IRAG2: variants seen among roughly 807,000 people sequenced by gnomAD.
The protein encoded by IRAG2 is lymphoid restricted membrane protein.
Under a neutral mutation model 69.9 loss-of-function variants are expected in IRAG2, and 45 were observed. The ratio of observed to expected loss-of-function variants is 0.64; its 90% CI spans 0.51 to 0.83. IRAG2 has a LOEUF of 0.83. Ranked by LOEUF, IRAG2 falls within the 40% of genes least tolerant of loss-of-function variation. IRAG2 has a pLI of 0.00. For synonymous variants in IRAG2, 193 were observed against 202.4 expected (o/e 0.95, Z 0.40); for missense variants, 520 against 587.0 (o/e 0.89, Z 1.18).
At chr12:25,073,715 A>G (rs1412659004) in intron 6 of IRAG2, among the ~76,000 whole-genome samples, 2 of 152,206 alleles carry the variant, frequency 1.3e-5, no homozygotes, top group Non-Finnish European at 2.9e-5. Flanking sequence ...TTCACCCAAT[A>G]AATTAGTTTA....
At chr12:25,101,804 C>A (rs1287371152) in intron 16 of IRAG2, 3 of 404,750 alleles carry the variant, frequency 7.4e-6, no homozygotes, top group East Asian at 6.6e-5. Context: ...ATAAATCTTA[C>A]AATAGTTTTA....
chr12:25,043,903 G>T (rs1475130710), intron 16 of IRAG2, among the ~76,000 whole-genome samples: 2 of 152,154 alleles, frequency 1.3e-5, no homozygotes, highest in Non-Finnish European at 2.9e-5. Context: ...AACAGGTAAA[G>T]AACTTACCTG....
chr12:25,022,693 GA>G (rs1156383877), intron 7 of IRAG2, among the ~76,000 whole-genome samples: 1 of 152,172 alleles, frequency 6.6e-6, no homozygotes, highest in Middle Eastern at 3.2e-3. Flanking sequence ...AAGTCCAGAG[GA>G]AGTTTTTAAT....
chr12:25,096,245 T>A (rs1207184796), intron 14 of IRAG2, among the ~76,000 whole-genome samples: 1 of 152,252 alleles, frequency 6.6e-6, no homozygotes, highest in Non-Finnish European at 1.5e-5. Flanking sequence ...CTTAATGATA[T>A]ACAAAATCGT....
chr12:25,012,035 G>A (rs890440925), intron 3 of IRAG2, among the ~76,000 whole-genome samples: 4 of 150,930 alleles, frequency 2.7e-5, no homozygotes, highest in African/African-American at 7.3e-5. Flanking sequence ...AGAAAGAATA[G>A]TAGAATAGGA....
At chr12:25,041,982 T>C (rs1944754574) in intron 16 of IRAG2, among the ~76,000 whole-genome samples, 1 of 151,482 alleles carries the variant, frequency 6.6e-6, no homozygotes, top group South Asian at 2.1e-4. Flanking sequence ...TGTGTGTGTG[T>C]GTGTGTGTGT....
At chr12:25,088,716 C>T (rs1162189856) in intron 11 of IRAG2, among the ~76,000 whole-genome samples, 1 of 152,158 alleles carries the variant, frequency 6.6e-6, no homozygotes, top group African/African-American at 2.4e-5. Context: ...AGGCTAATTT[C>T]ATGTGCATAG....
At chr12:25,041,449 G>A (rs191436204) in intron 16 of IRAG2, among the ~76,000 whole-genome samples, 36 of 152,056 alleles carry the variant, frequency 2.4e-4, no homozygotes, top group Admixed American at 2.2e-3. Context: ...AAAAGTGAAA[G>A]CAGTGAGATG....
intron 1 of IRAG2, among the ~76,000 whole-genome samples, chr12:25,061,051 T>G (rs1340112958): frequency 6.6e-6 from 1 of 152,172 alleles, no homozygotes; most frequent in African/African-American, 2.4e-5. Flanking sequence ...AAAGTAAAAT[T>G]TAAATACCCA....
At chr12:25,006,313 G>C (rs1944429772) in intron 2 of IRAG2, 1 of 152,234 alleles carries the variant, frequency 6.6e-6, no homozygotes, top group Non-Finnish European at 1.5e-5. Flanking sequence ...GTGGACAGCA[G>C]TGTGGAGATT....
chr12:25,075,554 G>GTGTA (rs770098025), intron 6 of IRAG2, among the ~76,000 whole-genome samples: 1 of 118,094 alleles, frequency 8.5e-6, no homozygotes, highest in African/African-American at 2.8e-5. Context: ...GTGTGTGTGT[G>GTGTA]TGTATGTGTG....
At chr12:25,031,904 C>T (rs12366444) in intron 10 of IRAG2, among the ~76,000 whole-genome samples, 43,201 of 152,044 alleles carry the variant, frequency 0.28, 6,401 homozygotes, top group Middle Eastern at 0.34. Flanking sequence ...TCAGGTGATC[C>T]GCCCTCCTCG....
At chr12:25,037,962 C>T in intron 15 of IRAG2, 1 of 398,668 alleles carries the variant, frequency 2.5e-6, no homozygotes, top group Non-Finnish European at 4.4e-6. Flanking sequence ...TGTTTTGTGA[C>T]TTTTCTTGTA....
chr12:25,055,009 A>C (rs2139910509), intron 1 of IRAG2, among the ~76,000 whole-genome samples: 1 of 152,356 alleles, frequency 6.6e-6, no homozygotes, highest in African/African-American at 2.4e-5. Flanking sequence ...CTGAGTCAGA[A>C]AACAAAACAT....
intron 5 of IRAG2, among the ~76,000 whole-genome samples, chr12:25,068,494 G>C (rs1946129617): frequency 6.6e-6 from 1 of 151,942 alleles, no homozygotes; most frequent in Non-Finnish European, 1.5e-5. Flanking sequence ...TAAATCATTG[G>C]CCATTGGTGA....
rs371652479 is a variant in IRAG2, at chr12:25,088,390, C to T, written c.373+233C>T. Among the ~76,000 whole-genome samples, 4 of 152,348 alleles carry T rather than the reference C, an allele frequency of 2.6e-5. No homozygotes were observed. The East Asian group carries it at 7.7e-4, about 29-fold the overall frequency. On this transcript the variant is annotated intron_variant, in intron 11 of 21. Coordinates refer to ENST00000556887, the MANE Select transcript of IRAG2 (RefSeq NM_001366544.2). ...GTAATAACTGGTGCTCTATTGTGAACTAAGAACCAAGCGAATGTTGGTAGC... is the reference window on the plus strand; with the variant it reads ...GTAATAACTGGTGCTCTATTGTGAATTAAGAACCAAGCGAATGTTGGTAGC...
intron 2 of IRAG2, among the ~76,000 whole-genome samples, chr12:25,007,178 C>A (rs890842592): frequency 6.6e-6 from 1 of 152,172 alleles, no homozygotes; most frequent in Non-Finnish European, 1.5e-5. Context: ...TCATTTTCCT[C>A]TCCTCTACTC....
At chr12:25,014,233 A>G (rs949473643) in intron 3 of IRAG2, among the ~76,000 whole-genome samples, 5 of 152,008 alleles carry the variant, frequency 3.3e-5, no homozygotes, top group Admixed American at 3.3e-4. Flanking sequence ...TATAATAAAA[A>G]TATTAATAAT....
intron 9 of IRAG2, among the ~76,000 whole-genome samples, chr12:25,029,510 GATT>G (rs1944652000): frequency 6.6e-6 from 1 of 152,098 alleles, no homozygotes; most frequent in African/African-American, 2.4e-5. Context: ...TGACCATGAT[GATT>G]ATTTTTCCAG....
Sources: allele counts gnomAD v4.1 joint callset (sites outside exome capture counted in the v4.1 genomes callset), GRCh38; gene constraint gnomAD v4.1.1; transcripts MANE v1.5; gene names NCBI Gene and HGNC (gene_info 2026-07-23, HGNC 2026-07-21).